The following TOP1 variants were observed in gnomAD, a reference collection of about 807,000 sequenced individuals.
TOP1 encodes DNA topoisomerase 1.
Under a neutral mutation model 111.1 loss-of-function variants are expected in TOP1, and 10 were observed. The observed-to-expected ratio is 0.09, with a 90% CI of 0.06 to 0.15. The LOEUF is 0.15. Among genes scored for constraint, TOP1 ranks in the 10% least tolerant of loss-of-function variants. The pLI is 1.00. For missense variants in TOP1, 474 were observed against 926.7 expected (o/e 0.51, Z 6.34); for synonymous variants, 271 against 302.9 (o/e 0.89, Z 1.10).
At position 41,029,416 on chromosome 20, in the gene TOP1, C is replaced by T. The variant is rs540987337; in HGVS notation, c.34-15C>T. The T allele has an allele frequency of 1.2e-5, 18 of 1,480,956 alleles. No homozygotes were observed. In the Admixed American group the frequency reaches 2.5e-4, roughly 20 times the overall value. The allele number at this position is 1,480,956 out of a possible 1,614,324, so 91.7% of individuals were successfully genotyped here. ...AGTGGCTGTTGTTTGATATTCTCTC[C>T]TTTTCTTTTTCCAGATCGAAGCGGA... On this transcript the variant is annotated splice_polypyrimidine_tract_variant and intron_variant, in intron 1 of 20. Transcript: ENST00000361337. This position sits in a 1 kb window ranked among gnomAD's most constrained non-coding sequence, Gnocchi z 6.1.
Position 41,078,586 on chromosome 20 carries a change from A to T in TOP1, c.335+949A>T, listed in dbSNP as rs2033755149. 6.6e-6 allele frequency among the ~76,000 whole-genome samples: 1 copy of T among 152,346 alleles called. No homozygotes were observed. The highest frequency in any genetic ancestry group is 2.4e-5 in the African/African-American group (1 of 41,588). ...TGCAGAATAATACAATTCAGGAAGC[A>T]TTAGAGCTGCAAGCTGCCCTAGGAA... On this transcript the variant is annotated intron_variant, in intron 5 of 20. Coordinates refer to ENST00000361337, the MANE Select transcript of TOP1 (RefSeq NM_003286.4). The surrounding 1 kb of genome is among the most constrained non-coding windows in gnomAD (Gnocchi z 5.3).
intron 14 of TOP1, 84 bp from the exon 15 acceptor site, chr20:41,113,879 CAAAAAAA>C (rs552197714): frequency 6.1e-6 from 4 of 658,382 alleles, no homozygotes; most frequent in Non-Finnish European, 8.8e-6. Flanking sequence ...GAGACTGTCT[CAAAAAAA>C]AAAAAAAAAA....
rs774563612 is a variant in TOP1 at position 41,029,421 on chromosome 20, C to G, written c.34-10C>G. ...CTGTTGTTTGATATTCTCTCCTTTT[C>G]TTTTTCCAGATCGAAGCGGATTTCC... On this transcript the variant is annotated splice_polypyrimidine_tract_variant and intron_variant, in intron 1 of 20. Coordinates refer to ENST00000361337, the MANE Select transcript of TOP1 (RefSeq NM_003286.4). The surrounding 1 kb of genome is among the most constrained non-coding windows in gnomAD (Gnocchi z 6.1). 1.8e-5 allele frequency: 27 copies of G among 1,483,810 alleles called. 1 individual carries two copies. In the Middle Eastern group the frequency reaches 5.4e-4, roughly 30 times the overall value. 91.9% of individuals were successfully genotyped at this position (1,483,810 alleles called of 1,614,324 possible).
rs1482295853 is a variant in TOP1 at position 41,110,111 on chromosome 20, A to G, written c.1309-2671A>G. On this transcript the variant is annotated intron_variant, in intron 13 of 20. Transcript: ENST00000361337. This position sits in a 1 kb window ranked among gnomAD's most constrained non-coding sequence, Gnocchi z 4.2. ...AGACCAGCCTGGCCAACATGGCGAA[A>G]CACCGTCTCTACAAAAAAATACAAA... 6.6e-6 allele frequency among the ~76,000 whole-genome samples: 1 copy of G among 152,144 alleles called. No homozygotes were observed.
chr20:41,029,686 T>A lies in TOP1; in HGVS notation c.58+231T>A, dbSNP rs904910836. On this transcript the variant is annotated intron_variant, in intron 2 of 20. Coordinates refer to ENST00000361337, the MANE Select transcript of TOP1 (RefSeq NM_003286.4). This position sits in a 1 kb window ranked among gnomAD's most constrained non-coding sequence, Gnocchi z 6.1. Reference sequence around the variant, plus strand: ...AGGGGACAACGGAGACCCCGTGTCGTCCGCCACCGGGCCTCGGGCGGTCTT... The same window carrying A: ...AGGGGACAACGGAGACCCCGTGTCGACCGCCACCGGGCCTCGGGCGGTCTT... 6 of 604,692 alleles carry A rather than the reference T, an allele frequency of 9.9e-6. No homozygotes were observed. The highest frequency in any genetic ancestry group is 1.8e-5 in the Non-Finnish European group (6 of 331,034). The allele number at this position is 604,692 out of a possible 1,614,324, so 37.5% of individuals were successfully genotyped here. A position where few individuals can be genotyped will look rare whatever the true frequency, so the allele number is the denominator to read the frequency against.
intron 2 of TOP1, among the ~76,000 whole-genome samples, chr20:41,031,960 G>T (rs1349752263): frequency 6.6e-6 from 1 of 152,164 alleles, no homozygotes; most frequent in Non-Finnish European, 1.5e-5. Flanking sequence ...TGTGAATATT[G>T]TCTGGAAGAT....
chr20:41,118,169 C>T lies in TOP1; in HGVS notation c.1823C>T (p.Pro608Leu), dbSNP rs1482508929. ...LQQQLKELTA[P>L]DENIPAKILS... ...TGCTACCATGTTCCTTTCTTTACAG[C>T]GGATGAGAACATCCCAGCGAAGATC... Residue 608 changes from proline (P) to leucine (L), a missense_variant and splice_region_variant, in exon 18 of 21, where the codon CCG (proline) becomes CTG (leucine). This residue lies in a region of TOP1 where 18 missense variants were observed against 20.5 expected (regional missense o/e 0.88). Transcript: ENST00000361337. The surrounding 1 kb of genome is among the most constrained non-coding windows in gnomAD (Gnocchi z 4.6). 19 of 1,612,858 alleles carry T rather than the reference C, an allele frequency of 1.2e-5. No individual in the cohort carries two copies. Among genetic ancestry groups the T allele is most frequent in the Non-Finnish European group, 1.4e-5 (17 of 1,179,204 alleles).
Position 41,112,830 on chromosome 20 carries a change from T to A in TOP1, c.1357T>A (p.Cys453Ser), listed in dbSNP as rs375631824. 41 of 1,613,898 alleles carry A rather than the reference T, an allele frequency of 2.5e-5. No individual in the cohort carries two copies. The Middle Eastern group carries it at 1.5e-3, about 58-fold the overall frequency. Residue 453 changes from cysteine (C) to serine (S), a missense_variant, in exon 14 of 21, where the codon TGT becomes AGT. Transcript: ENST00000361337. The surrounding 1 kb of genome is among the most constrained non-coding windows in gnomAD (Gnocchi z 5.8). ...KYETARRLKK[C>S]VDKIRNQYRE... ...CGAGACTGCTCGGCGGCTGAAAAAATGTGTGGACAAGATCCGGAACCAGTA... is the reference window on the plus strand; with the variant it reads ...CGAGACTGCTCGGCGGCTGAAAAAAAGTGTGGACAAGATCCGGAACCAGTA...
rs1324048116 is a variant in TOP1 at position 41,102,876 on chromosome 20, T to TA, written c.1308+1526dup. Among the ~76,000 whole-genome samples, 1 of 152,198 alleles carries TA rather than the reference T, an allele frequency of 6.6e-6. No homozygotes were observed. Among genetic ancestry groups the TA allele is most frequent in the African/African-American group, 2.4e-5 (1 of 41,452 alleles). ...AAAGATAAAAGTAAAATGCATTAGATAAACAGAGGAGTTATTTGCAGCACC... is the reference window on the plus strand; with the variant it reads ...AAAGATAAAAGTAAAATGCATTAGATAAAACAGAGGAGTTATTTGCAGCACC... On this transcript the variant is annotated intron_variant, in intron 13 of 20. Coordinates refer to ENST00000361337, the MANE Select transcript of TOP1 (RefSeq NM_003286.4). The surrounding 1 kb of genome is among the most constrained non-coding windows in gnomAD (Gnocchi z 4.0).
chr20:41,108,286 A>T (rs2034179388), intron 13 of TOP1, among the ~76,000 whole-genome samples: 1 of 152,216 alleles, frequency 6.6e-6, no homozygotes, highest in Admixed American at 6.5e-5. Flanking sequence ...GTATCATTGT[A>T]TCCCATCTGT....
chr20:41,121,771 A>C lies in TOP1; in HGVS notation c.2026A>C (p.Lys676Gln). 2 of 1,614,164 alleles carry C rather than the reference A, an allele frequency of 1.2e-6. No homozygotes were observed. Among genetic ancestry groups the C allele is most frequent in the African/African-American group, 1.3e-5 (1 of 75,062 alleles). ...TGCTAAGGCTGATGCCAAGGTCATG[A>C]AGGATGCAAAGACGAAGAAGTATGT... ...KSAKADAKVMKDAKTKKVVES... is the reference protein window; with the variant it reads ...KSAKADAKVMQDAKTKKVVES... Residue 676 changes from lysine (K) to glutamine (Q), a missense_variant, in exon 19 of 21, where the codon AAG (lysine) becomes CAG (glutamine). Coordinates refer to ENST00000361337, the MANE Select transcript of TOP1 (RefSeq NM_003286.4). The surrounding 1 kb of genome is among the most constrained non-coding windows in gnomAD (Gnocchi z 4.2).
chr20:41,048,284 C>T (rs981557403), intron 2 of TOP1, among the ~76,000 whole-genome samples: 1 of 152,080 alleles, frequency 6.6e-6, no homozygotes, highest in Non-Finnish European at 1.5e-5. Context: ...AGGGTTTCTT[C>T]AAAATATGGT....
At chr20:41,070,241 C>G (rs1329736930) in intron 3 of TOP1, among the ~76,000 whole-genome samples, 2 of 152,128 alleles carry the variant, frequency 1.3e-5, no homozygotes, top group Non-Finnish European at 2.9e-5. Context: ...AGACAAAGAA[C>G]TTAAGGGAGG....
intron 2 of TOP1, among the ~76,000 whole-genome samples, chr20:41,047,893 C>T (rs533502882): frequency 6.6e-6 from 1 of 152,250 alleles, no homozygotes; most frequent in South Asian, 2.1e-4. Flanking sequence ...TGACTCCACC[C>T]ATTAGCGTCC....
Position 41,043,669 on chromosome 20 carries a change from A to G in TOP1, c.58+14214A>G, listed in dbSNP as rs996979155. Among the ~76,000 whole-genome samples the G allele has an allele frequency of 2.0e-5, 3 of 152,214 alleles. 1 individual carries two copies. The highest frequency in any genetic ancestry group is 2.0e-4 in the Admixed American group (3 of 15,288). ...TAAAGTCTTTATGGCCAGACAAAGT[A>G]TGGTCTTAGTGTGTTTGGAGGCCCC... On this transcript the variant is annotated intron_variant, in intron 2 of 20. Transcript: ENST00000361337.
Position 41,082,594 on chromosome 20 carries a change from C to T in TOP1, c.507+1354C>T, listed in dbSNP as rs773647722. Among the ~76,000 whole-genome samples, 3 of 152,190 alleles carry T rather than the reference C, an allele frequency of 2.0e-5. No homozygotes were observed. Among genetic ancestry groups the T allele is most frequent in the Non-Finnish European group, 2.9e-5 (2 of 68,038 alleles). ...GGAGAAGAAAGGTCTTTAATGAAATCATATGAAGACCATTAGTGAGTGAGT... is the reference window on the plus strand; with the variant it reads ...GGAGAAGAAAGGTCTTTAATGAAATTATATGAAGACCATTAGTGAGTGAGT... On this transcript the variant is annotated intron_variant, in intron 7 of 20. Coordinates refer to ENST00000361337, the MANE Select transcript of TOP1 (RefSeq NM_003286.4). This position sits in a 1 kb window ranked among gnomAD's most constrained non-coding sequence, Gnocchi z 4.1.
rs1391934457 is a variant in TOP1, at chr20:41,095,146, G to A, written c.731-2074G>A. ...GGCTCACTGCAGCCTCCACCTCCAA[G>A]GTTCAAACGATTCTCATGCCTCAGC... On this transcript the variant is annotated intron_variant, in intron 9 of 20. Coordinates refer to ENST00000361337, the MANE Select transcript of TOP1 (RefSeq NM_003286.4). This position sits in a 1 kb window ranked among gnomAD's most constrained non-coding sequence, Gnocchi z 4.6. Among the ~76,000 whole-genome samples the A allele has an allele frequency of 3.3e-5, 5 of 152,148 alleles. No homozygotes were observed. Among genetic ancestry groups the A allele is most frequent in the African/African-American group, 9.7e-5 (4 of 41,414 alleles).
chr20:41,038,955 C>G (rs1239246816), intron 2 of TOP1, among the ~76,000 whole-genome samples: 2 of 151,754 alleles, frequency 1.3e-5, no homozygotes, highest in East Asian at 3.9e-4. Flanking sequence ...TGCCACTGTA[C>G]CTACCCCGTT....
At chr20:41,072,979 T>C (rs2033684510) in intron 3 of TOP1, 1 of 985,324 alleles carries the variant, frequency 1.0e-6, no homozygotes, top group Non-Finnish European at 1.2e-6. Flanking sequence ...AATTGTGACC[T>C]ACAAAGGGGT....
Sources: gnomAD v4.1 joint callset for allele counts (sites outside exome capture counted in the v4.1 genomes callset) on GRCh38, gnomAD v4.1.1 for gene constraint, gnomAD v4.1.1 regional missense constraint, Gnocchi (gnomAD v3.1) non-coding constraint, MANE v1.5 for transcripts, NCBI Gene and HGNC (gene_info 2026-07-23, HGNC 2026-07-21) for gene names.